The following ZFPM2 variants were observed in gnomAD, a reference collection of about 807,000 sequenced individuals.
ZFPM2 encodes zinc finger protein ZFPM2.
ZFPM2 carries 20 observed loss-of-function variants against 98.6 expected under a neutral mutation model. The ratio of observed to expected loss-of-function variants is 0.20; its 90% CI spans 0.14 to 0.29. The LOEUF (loss-of-function observed/expected upper bound fraction) is 0.29, where lower values mean the gene tolerates loss of function less well. Ranked by LOEUF, ZFPM2 falls within the 10% of genes least tolerant of loss-of-function variation. The pLI is 1.00. For missense variants in ZFPM2, 1,310 were observed against 1,388.6 expected (o/e 0.94, Z 0.90); for synonymous variants, 518 against 502.7 (o/e 1.03, Z -0.41).
intron 5 of ZFPM2, among the ~76,000 whole-genome samples, chr8:105,769,712 C>T (rs1300218370): frequency 6.6e-6 from 1 of 152,026 alleles, no homozygotes; most frequent in Non-Finnish European, 1.5e-5. Flanking sequence ...AACATAACCA[C>T]AATTTGTCCT....
chr8:105,439,684 T>A (rs1812197253), intron 2 of ZFPM2, among the ~76,000 whole-genome samples: 1 of 152,222 alleles, frequency 6.6e-6, no homozygotes, highest in Non-Finnish European at 1.5e-5. Context: ...TTGGGCTACA[T>A]GTTTTCCAAA....
At chr8:105,752,906 G>A (rs1812511314) in intron 5 of ZFPM2, among the ~76,000 whole-genome samples, 3 of 152,092 alleles carry the variant, frequency 2.0e-5, no homozygotes, top group Non-Finnish European at 4.4e-5. Flanking sequence ...AGGTTTTCAA[G>A]CCACTTGAGT....
intron 5 of ZFPM2, among the ~76,000 whole-genome samples, chr8:105,759,070 A>G (rs1812675816): frequency 6.6e-6 from 1 of 152,138 alleles, no homozygotes; most frequent in Non-Finnish European, 1.5e-5. Context: ...CACATATAAC[A>G]ATGAGTAAGC....
chr8:105,510,677 G>C (rs1401756280), intron 3 of ZFPM2, among the ~76,000 whole-genome samples: 1 of 152,118 alleles, frequency 6.6e-6, no homozygotes, highest in Non-Finnish European at 1.5e-5. Flanking sequence ...AAACACCTCT[G>C]ACAAGAATTG....
intron 3 of ZFPM2, among the ~76,000 whole-genome samples, chr8:105,508,892 C>G (rs1488744034): frequency 6.7e-6 from 1 of 150,010 alleles, no homozygotes; most frequent in Non-Finnish European, 1.5e-5. Flanking sequence ...AAATCTTGCT[C>G]CAGTGCAGCA....
intron 3 of ZFPM2, among the ~76,000 whole-genome samples, chr8:105,548,538 A>G (rs1814765617): frequency 6.6e-6 from 1 of 152,130 alleles, no homozygotes; most frequent in Non-Finnish European, 1.5e-5. Flanking sequence ...TCTCAAGGCA[A>G]CGTTCTCTCA....
In ZFPM2 at chr8:105,456,163, TG is replaced by T. The variant is rs770577686; in HGVS notation, c.301+11783del. On this transcript the variant is annotated intron_variant, in intron 3 of 7. Coordinates refer to ENST00000407775, the MANE Select transcript of ZFPM2 (RefSeq NM_012082.4). ...AGGAAAATGTTTTTTTTTGTTTGTTTGTTTGTTTTTTTTTTAAGAAGGAAGG... is the reference window on the plus strand; with the variant it reads ...AGGAAAATGTTTTTTTTTGTTTGTTTTTTGTTTTTTTTTTAAGAAGGAAGG... Among the ~76,000 whole-genome samples, 70 of 145,780 alleles carry T rather than the reference TG, an allele frequency of 4.8e-4. 9 individuals carry two copies. Among genetic ancestry groups the T allele is most frequent in the South Asian group, 8.8e-4 (4 of 4,566 alleles).
At chr8:105,396,657 GTGCATGTTTAT>G (rs1338546261) in intron 1 of ZFPM2, among the ~76,000 whole-genome samples, 1 of 152,186 alleles carries the variant, frequency 6.6e-6, no homozygotes, top group East Asian at 1.9e-4. Flanking sequence ...TCTTCCGTTA[GTGCATGTTTAT>G]CATGCTTTAC....
intron 4 of ZFPM2, among the ~76,000 whole-genome samples, chr8:105,585,302 GGTTTT>G (rs1368498165): frequency 3.9e-5 from 6 of 152,084 alleles, no homozygotes; most frequent in Admixed American, 3.3e-4. Flanking sequence ...TTCAGTTTGT[GGTTTT>G]GTTTTATTAG....
chr8:105,435,605 C>T (rs894322166), intron 2 of ZFPM2, among the ~76,000 whole-genome samples: 15 of 151,744 alleles, frequency 9.9e-5, no homozygotes, highest in African/African-American at 3.6e-4. Context: ...TTATTCATTC[C>T]AATTTTCCTA....
chr8:105,553,716 A>G (rs1251482697), intron 3 of ZFPM2, among the ~76,000 whole-genome samples: 8 of 152,012 alleles, frequency 5.3e-5, no homozygotes, highest in Non-Finnish European at 1.2e-4. Context: ...CTAAGTAGAG[A>G]CTCATCTTTG....
chr8:105,461,372 A>C (rs375833960), intron 3 of ZFPM2, among the ~76,000 whole-genome samples: 10 of 152,164 alleles, frequency 6.6e-5, no homozygotes, highest in African/African-American at 2.4e-4. Flanking sequence ...ACCATGATTT[A>C]AAATTACCTG....
At chr8:105,646,943 C>G (rs554611415) in intron 5 of ZFPM2, among the ~76,000 whole-genome samples, 1 of 152,264 alleles carries the variant, frequency 6.6e-6, no homozygotes, top group East Asian at 1.9e-4. Context: ...ACCTCCATCT[C>G]CTAACAGTGG....
At position 105,601,856 on chromosome 8, in the gene ZFPM2, GA is replaced by G. The variant is rs201317640; in HGVS notation, c.421-32386del. ...GGAAACACAGTTGAATCAGCTTAAAGAAAAGGATAAATTTATTTATTAGAAT... is the reference window on the plus strand; with the variant it reads ...GGAAACACAGTTGAATCAGCTTAAAGAAAGGATAAATTTATTTATTAGAAT... On this transcript the variant is annotated intron_variant, in intron 4 of 7. Coordinates refer to ENST00000407775, the MANE Select transcript of ZFPM2 (RefSeq NM_012082.4). Among the ~76,000 whole-genome samples, 1,342 of 152,198 alleles carry G rather than the reference GA, an allele frequency of 8.8e-3. 22 individuals carry two copies. The highest frequency in any genetic ancestry group is 0.031 in the African/African-American group (1,271 of 41,552).
rs1220210792 is a variant in ZFPM2, at chr8:105,458,637, G to C, written c.301+14256G>C. 3.9e-5 allele frequency among the ~76,000 whole-genome samples: 6 copies of C among 152,158 alleles called. No homozygotes were observed. The East Asian group carries it at 1.2e-3, about 29-fold the overall frequency. On this transcript the variant is annotated intron_variant, in intron 3 of 7. Transcript: ENST00000407775. ...AATGATCGAGTATCTGAAATTGACA[G>C]TGCATATTTTCAGTATGTATTTTTA...
chr8:105,647,358 G>C (rs1466293570), intron 5 of ZFPM2, among the ~76,000 whole-genome samples: 5 of 151,960 alleles, frequency 3.3e-5, no homozygotes, highest in African/African-American at 9.7e-5. Flanking sequence ...TTCCTTAGTA[G>C]GAAGCCCCCT....
At chr8:105,682,879 A>G (rs1360516729) in intron 5 of ZFPM2, among the ~76,000 whole-genome samples, 1 of 152,124 alleles carries the variant, frequency 6.6e-6, no homozygotes, top group Non-Finnish European at 1.5e-5. Context: ...CAGTTCAATC[A>G]CTTTGAGTGT....
intron 4 of ZFPM2, among the ~76,000 whole-genome samples, chr8:105,629,210 T>C (rs1172047166): frequency 2.0e-5 from 3 of 152,188 alleles, no homozygotes; most frequent in Non-Finnish European, 2.9e-5. Flanking sequence ...CCAGTTCCCA[T>C]ACTTGTTCGC....
rs150549199 is a variant in ZFPM2 at position 105,431,921 on chromosome 8, C to CAAAAAAAAAA, written c.200-12351_200-12350insAAAAAAAAAA. Among the ~76,000 whole-genome samples, 20 of 133,460 alleles carry CAAAAAAAAAA rather than the reference C, an allele frequency of 1.5e-4. 1 individual carries two copies. Among genetic ancestry groups the CAAAAAAAAAA allele is most frequent in the African/African-American group, 2.0e-4 (6 of 30,374 alleles). The allele number at this position is 133,460 out of a possible 152,430, so 87.6% of individuals were successfully genotyped here. Reference sequence around the variant, plus strand: ...TGGGTGACAGAGCAAGACTGTGTCTCAAAAAAAAGAAAAAGAATGTGACAC... The same window carrying CAAAAAAAAAA: ...TGGGTGACAGAGCAAGACTGTGTCTCAAAAAAAAAAAAAAAAAAGAAAAAGAATGTGACAC... On this transcript the variant is annotated intron_variant, in intron 2 of 7. Coordinates refer to ENST00000407775, the MANE Select transcript of ZFPM2 (RefSeq NM_012082.4).
Sources: allele counts gnomAD v4.1 joint callset (sites outside exome capture counted in the v4.1 genomes callset), GRCh38; gene constraint gnomAD v4.1.1; transcripts MANE v1.5; gene names NCBI Gene and HGNC (gene_info 2026-07-23, HGNC 2026-07-21).